Variants in PTPN2 observed in about 807,000 individuals in gnomAD.
PTPN2 encodes the protein tyrosine-protein phosphatase non-receptor type 2.
PTPN2 carries 19 observed loss-of-function variants against 57.3 expected under a neutral mutation model. The ratio of observed to expected loss-of-function variants is 0.33; its 90% confidence interval spans 0.23 to 0.49. The LOEUF is 0.49. PTPN2 is among the 20% of genes least tolerant of loss of function. The pLI, the probability that PTPN2 is intolerant of heterozygous loss-of-function variation, is 0.99. For synonymous variants in PTPN2, 153 were observed against 164.9 expected (o/e 0.93, Z 0.55); for missense variants, 358 against 501.1 (o/e 0.71, Z 2.73).
Position 12,838,562 on chromosome 18 carries a change from A to G in PTPN2, c.161-1671T>C, listed in dbSNP as rs76689822. 2.2e-4 allele frequency among the ~76,000 whole-genome samples: 33 copies of G among 152,358 alleles called. 1 individual carries two copies. The East Asian group carries it at 6.4e-3, about 29-fold the overall frequency. ...CCCAGATCCAGTCCTGGGAGGCAGT[A>G]GGGAGGAGGGCACTACCTGCAGGGC... On this transcript the variant is annotated intron_variant, in intron 2 of 8. Coordinates refer to ENST00000309660, the MANE Select transcript of PTPN2 (RefSeq NM_002828.4).
rs1235973421 is a variant in PTPN2, at chr18:12,874,536, G to T, written c.69+9537C>A. Among the ~76,000 whole-genome samples, 174 of 115,538 alleles carry T rather than the reference G, an allele frequency of 1.5e-3. 5 individuals carry two copies. Among genetic ancestry groups the T allele is most frequent in the Middle Eastern group, 0.011 (1 of 88 alleles). The allele number at this position is 115,538 out of a possible 152,430, so 75.8% of individuals were successfully genotyped here. A position where few individuals can be genotyped will look rare whatever the true frequency, so the allele number is the denominator to read the frequency against. The stretch of plus-strand genomic sequence containing the variant: ...GCCGCCCCGTCCGGGAGGAAGGTGG[G>T]GGGGGGTCAGCTCCCCGCCCGGCCA... On this transcript the variant is annotated intron_variant, in intron 1 of 8. Transcript: ENST00000309660.
Position 12,858,998 on chromosome 18 carries a change from C to T in PTPN2, c.160+166G>A, listed in dbSNP as rs190884202. On this transcript the variant is annotated intron_variant, in intron 2 of 8. Transcript: ENST00000309660. ...GAAATAATTATGGGTAATTATTTTT[C>T]CTTCCACTATTCTACACCTTTAAAT... 1.6e-4 allele frequency among the ~76,000 whole-genome samples: 25 copies of T among 152,222 alleles called. No homozygotes were observed. In the East Asian group the frequency reaches 4.6e-3, roughly 28 times the overall value.
At chr18:12,853,769 G>A (rs2043476770) in intron 2 of PTPN2, among the ~76,000 whole-genome samples, 1 of 152,162 alleles carries the variant, frequency 6.6e-6, no homozygotes, top group African/African-American at 2.4e-5. Flanking sequence ...ATAATTTCTA[G>A]GAAAATGGGT....
chr18:12,822,438 T>A (rs2042303339), intron 5 of PTPN2, among the ~76,000 whole-genome samples: 1 of 152,166 alleles, frequency 6.6e-6, no homozygotes, highest in Non-Finnish European at 1.5e-5. Context: ...CTCAAAATTA[T>A]CTCCATAGCT....
At chr18:12,840,784 C>T in intron 2 of PTPN2, 1 of 1,598,484 alleles carries the variant, frequency 6.3e-7, no homozygotes, top group Non-Finnish European at 8.5e-7. Context: ...CCTTTCCATA[C>T]ATCCTAAATT....
chr18:12,862,828 G>C (rs988857907), intron 1 of PTPN2: 1 of 152,054 alleles, frequency 6.6e-6, no homozygotes, highest in African/African-American at 2.4e-5. Flanking sequence ...TCTCTCTCCA[G>C]AATTCATATC....
chr18:12,874,278 GC>G (rs1327633538), intron 1 of PTPN2, among the ~76,000 whole-genome samples: 1 of 141,670 alleles, frequency 7.1e-6, no homozygotes, highest in African/African-American at 2.7e-5. Context: ...CGCCCGGCCA[GC>G]CGCCCCGTCC....
rs1568168011 is a variant in PTPN2 at position 12,870,273 on chromosome 18, GTATATATATACATATACATATATA to G, written c.70-11043_70-11020del. On this transcript the variant is annotated intron_variant, in intron 1 of 8. Coordinates refer to ENST00000309660, the MANE Select transcript of PTPN2 (RefSeq NM_002828.4). ...TTAACTTTAGCATATATATATATAT[GTATATATATACATATACATATATA>G]TGTGTATATATACATATATATGTGT... 1.2e-3 allele frequency among the ~76,000 whole-genome samples: 98 copies of G among 81,744 alleles called. 10 individuals carry two copies. Among genetic ancestry groups the G allele is most frequent in the African/African-American group, 6.4e-3 (91 of 14,242 alleles). The allele number at this position is 81,744 out of a possible 152,430, so 53.6% of individuals were successfully genotyped here.
intron 8 of PTPN2, among the ~76,000 whole-genome samples, chr18:12,796,378 ATAAAT>A (rs778664583): frequency 2.6e-5 from 4 of 152,248 alleles, no homozygotes; most frequent in Non-Finnish European, 5.9e-5. Flanking sequence ...TTTATGCTAT[ATAAAT>A]TATATTTCCA....
chr18:12,805,967 G>A (rs569581186), intron 7 of PTPN2, among the ~76,000 whole-genome samples: 6 of 151,984 alleles, frequency 3.9e-5, no homozygotes, highest in Non-Finnish European at 8.8e-5. Context: ...GCATAATACT[G>A]TAAGTCCTAG....
chr18:12,801,153 G>T (rs1443370217), intron 8 of PTPN2, among the ~76,000 whole-genome samples: 3 of 152,046 alleles, frequency 2.0e-5, no homozygotes, highest in Non-Finnish European at 2.9e-5. Context: ...TCTAAGTATT[G>T]GCTGAAAGCT....
chr18:12,850,584 A>C (rs2043358154), intron 2 of PTPN2, among the ~76,000 whole-genome samples: 1 of 152,072 alleles, frequency 6.6e-6, no homozygotes, highest in Admixed American at 6.5e-5. Flanking sequence ...GATAAGCAGT[A>C]TTTTATATAT....
intron 2 of PTPN2, chr18:12,843,771 G>A (rs1598834803): frequency 1.3e-5 from 2 of 152,706 alleles, no homozygotes; most frequent in South Asian, 2.1e-4. Flanking sequence ...ATCAAACTCA[G>A]AAGCATGAAA....
intron 5 of PTPN2, among the ~76,000 whole-genome samples, chr18:12,818,239 C>T (rs906689760): frequency 6.6e-6 from 1 of 152,088 alleles, no homozygotes; most frequent in African/African-American, 2.4e-5. Flanking sequence ...TATAATCTCC[C>T]GTTCACATGA....
rs914887794 is a variant in PTPN2, at chr18:12,801,815, C to T, written c.1040+155G>A. ...AACTCCTAGACTCAAGTGATCTTCC[C>T]TCCTTGGCCTCCCAAAGTGTTGAGA... On this transcript the variant is annotated intron_variant, in intron 8 of 8. Transcript: ENST00000309660. 6.9e-6 allele frequency: 5 copies of T among 727,272 alleles called. No homozygotes were observed. The African/African-American group carries it at 7.3e-5, about 11-fold the overall frequency. 45.1% of individuals were successfully genotyped at this position (727,272 alleles called of 1,614,324 possible). A position where few individuals can be genotyped will look rare whatever the true frequency, so the allele number is the denominator to read the frequency against.
intron 2 of PTPN2, among the ~76,000 whole-genome samples, chr18:12,856,480 CCA>C (rs1277142206): frequency 1.3e-5 from 2 of 152,118 alleles, no homozygotes; most frequent in Non-Finnish European, 2.9e-5. Context: ...GAGCACAGCT[CCA>C]GAGGACAACC....
chr18:12,823,150 T>C (rs76447730), intron 5 of PTPN2, among the ~76,000 whole-genome samples: 15,020 of 152,162 alleles, frequency 0.099, 1,001 homozygotes, highest in Non-Finnish European at 0.15. Flanking sequence ...TAATTAAAAA[T>C]TATAAAGTAG....
downstream of PTPN2, among the ~76,000 whole-genome samples, chr18:12,790,418 C>T (rs562088711): frequency 1.3e-5 from 2 of 152,232 alleles, no homozygotes; most frequent in Non-Finnish European, 2.9e-5. Context: ...GATATTTTTT[C>T]TCAGAGGGAA....
At chr18:12,866,577 T>C (rs376596573) in intron 1 of PTPN2, among the ~76,000 whole-genome samples, 1 of 152,104 alleles carries the variant, frequency 6.6e-6, no homozygotes, top group South Asian at 2.1e-4. Context: ...GGGATGTGGG[T>C]GAGAATGGAG....
Sources: gnomAD v4.1 joint callset for allele counts (sites outside exome capture counted in the v4.1 genomes callset) on GRCh38, gnomAD v4.1.1 for gene constraint, MANE v1.5 for transcripts, NCBI Gene and HGNC (gene_info 2026-07-23, HGNC 2026-07-21) for gene names.